Variants in PLXNA4 observed in about 807,000 individuals in gnomAD.
The protein encoded by PLXNA4 is plexin A4, also known as plexin-A4.
PLXNA4 carries 44 observed loss-of-function variants against 191.8 expected under a neutral mutation model. The ratio of observed to expected loss-of-function variants is 0.23; its 90% confidence interval spans 0.18 to 0.29. The LOEUF is 0.29. Among genes scored for constraint, PLXNA4 ranks in the 10% least tolerant of loss-of-function variants. The pLI is 1.00. For missense variants in PLXNA4, 1,800 were observed against 2,488.8 expected (o/e 0.72, Z 5.89); for synonymous variants, 1,082 against 1,009.5 (o/e 1.07, Z -1.36).
intron 27 of PLXNA4, 45 bp from the exon 28 acceptor site, chr7:132,146,745 G>A: frequency 1.2e-6 from 2 of 1,601,284 alleles, no homozygotes; most frequent in Non-Finnish European, 8.5e-7. Context: ...AGGCCACACA[G>A]CCTTAGCCCA....
intron 3 of PLXNA4, among the ~76,000 whole-genome samples, chr7:132,332,280 C>A (rs1034439784): frequency 6.6e-6 from 1 of 152,164 alleles, no homozygotes; most frequent in African/African-American, 2.4e-5. Context: ...AGGGTCACAG[C>A]CTTTTCCTAT....
chr7:132,220,019 T>C (rs1203995776), intron 9 of PLXNA4, among the ~76,000 whole-genome samples: 2 of 152,222 alleles, frequency 1.3e-5, no homozygotes, highest in Admixed American at 6.5e-5. Context: ...GACACATTTC[T>C]CAGAGGGCAT....
chr7:132,298,141 T>A lies in PLXNA4; in HGVS notation c.1453A>T (p.Met485Leu). The change falls in exon 4 of 32, where the codon ATG (methionine) becomes TTG (leucine). Residue 485 changes from methionine (M) to leucine (L), a missense_variant. Physicochemically the swap from Met to Leu is conservative, Grantham distance 15 (BLOSUM62 2). Coordinates refer to ENST00000321063, the MANE Select transcript of PLXNA4 (RefSeq NM_020911.2). ...VVDPGPVLRD[M>L]AFSKDHEQLY... ...TGCTCGTGGTCCTTGGAGAAGGCCA[T>A]ATCCCGGAGGACTGGGCCGGGGTCC... is the stretch of plus-strand genomic sequence containing the variant. The A allele has an allele frequency of 6.2e-7, 1 of 1,614,204 alleles. No individual in the cohort carries two copies. Among genetic ancestry groups the A allele is most frequent in the South Asian group, 1.1e-5 (1 of 91,086 alleles).
intron 20 of PLXNA4, among the ~76,000 whole-genome samples, 176 bp downstream of exon 20, chr7:132,179,497 GTGCACACACACACA>G (rs1343796395): frequency 1.1e-3 from 143 of 133,590 alleles, no homozygotes; most frequent in African/African-American, 3.8e-3. Flanking sequence ...ACATACAGAT[GTGCACACACACACA>G]TGCACACACA....
At chr7:132,409,920 C>T (rs2117087110) in intron 3 of PLXNA4, among the ~76,000 whole-genome samples, 1 of 152,292 alleles carries the variant, frequency 6.6e-6, no homozygotes, top group South Asian at 2.1e-4. Flanking sequence ...CGGCAGGGGG[C>T]CCCCAGACTC....
chr7:132,132,495 CTTTTCTATTCTAT>C (rs1563048557), intron 31 of PLXNA4, among the ~76,000 whole-genome samples: 1 of 31,414 alleles, frequency 3.2e-5, no homozygotes, highest in Non-Finnish European at 7.5e-5. Flanking sequence ...CTGCTCTATT[CTTTTCTATTCTAT>C]TCTATTCTAT....
At chr7:132,298,699 G>T (rs1230782617) in intron 3 of PLXNA4, among the ~76,000 whole-genome samples, 1 of 152,264 alleles carries the variant, frequency 6.6e-6, no homozygotes, top group Non-Finnish European at 1.5e-5. Flanking sequence ...AGGTGAACCA[G>T]GCAGGGGGCC....
chr7:132,356,046 C>T (rs140738104), intron 3 of PLXNA4, among the ~76,000 whole-genome samples: 89 of 152,142 alleles, frequency 5.8e-4, no homozygotes, highest in Non-Finnish European at 1.1e-3. Flanking sequence ...TCCTTTTGAA[C>T]GTGCATTAAT....
intron 4 of PLXNA4, among the ~76,000 whole-genome samples, chr7:132,277,164 T>C (rs573626198): frequency 1.3e-4 from 20 of 152,274 alleles, no homozygotes; most frequent in African/African-American, 4.8e-4. Flanking sequence ...TGCTTAGAAG[T>C]CAATTACTAG....
chr7:132,346,055 TTC>T (rs1803234535), intron 3 of PLXNA4, among the ~76,000 whole-genome samples: 1 of 152,188 alleles, frequency 6.6e-6, no homozygotes, highest in Admixed American at 6.5e-5. Context: ...TCAAATGACC[TTC>T]TCTCTGGGTC....
At chr7:132,263,102 G>A (rs1002268747) in intron 4 of PLXNA4, among the ~76,000 whole-genome samples, 13 of 152,236 alleles carry the variant, frequency 8.5e-5, no homozygotes, top group South Asian at 4.2e-4. Flanking sequence ...GACCACTGAG[G>A]AAAGCACAAG....
intron 4 of PLXNA4, among the ~76,000 whole-genome samples, chr7:132,294,391 C>T (rs1336161183): frequency 1.3e-5 from 2 of 152,180 alleles, no homozygotes; most frequent in Admixed American, 6.5e-5. Context: ...AGGTGATGAG[C>T]TTGGACATCT....
intron 2 of PLXNA4, among the ~76,000 whole-genome samples, chr7:132,601,218 TA>T (rs1419812387): frequency 6.6e-6 from 1 of 151,836 alleles, no homozygotes; most frequent in Non-Finnish European, 1.5e-5. Flanking sequence ...ATATTTAATG[TA>T]AAAAAATACA....
chr7:132,386,208 C>T (rs1026233909), intron 3 of PLXNA4, among the ~76,000 whole-genome samples: 2 of 152,146 alleles, frequency 1.3e-5, no homozygotes, highest in Admixed American at 6.5e-5. Flanking sequence ...GAAAGGAATC[C>T]TGCCAGCCCT....
Position 132,362,774 on chromosome 7 carries a change from T to C in PLXNA4, c.1372-64552A>G, listed in dbSNP as rs144390647. On this transcript the variant is annotated intron_variant, in intron 3 of 31. Transcript: ENST00000321063. ...TAGCTTTTCTGAGTCACAGGCCCTA[T>C]CATTAAAAATAATAATAACAACAGG... 2.0e-3 allele frequency among the ~76,000 whole-genome samples: 307 copies of C among 152,276 alleles called. 4 individuals are homozygous for C. The East Asian group carries it at 0.037, about 18-fold the overall frequency.
At chr7:132,211,529 C>A (rs559822952) in intron 9 of PLXNA4, among the ~76,000 whole-genome samples, 3 of 152,306 alleles carry the variant, frequency 2.0e-5, no homozygotes, top group Admixed American at 6.5e-5. Flanking sequence ...TCCAGGCTGT[C>A]AAGAATTGGG....
chr7:132,277,445 G>A (rs567332361), intron 4 of PLXNA4, among the ~76,000 whole-genome samples: 1 of 152,332 alleles, frequency 6.6e-6, no homozygotes, highest in Admixed American at 6.5e-5. Flanking sequence ...CCCTGCAGGA[G>A]AGTGCAGTCT....
In PLXNA4 at chr7:132,489,277, G is replaced by C. The variant is rs768870878; in HGVS notation, c.1371+15C>G. 6.4e-7 allele frequency: 1 copy of C among 1,573,000 alleles called. No homozygotes were observed. The highest frequency in any genetic ancestry group is 1.3e-5 in the African/African-American group (1 of 74,346). On this transcript the variant is annotated intron_variant, in intron 3 of 31. Coordinates refer to ENST00000321063, the MANE Select transcript of PLXNA4 (RefSeq NM_020911.2). ...TGTCTTCACAGTAACCAAAAGTACT[G>C]CACCTCATTCCTACCTTCTTCAGCT...
At chr7:132,385,749 C>G (rs1178857011) in intron 3 of PLXNA4, among the ~76,000 whole-genome samples, 1 of 150,584 alleles carries the variant, frequency 6.6e-6, no homozygotes, top group East Asian at 1.9e-4. Flanking sequence ...CACATGGATG[C>G]ACACACACAC....
Sources: allele counts gnomAD v4.1 joint callset (sites outside exome capture counted in the v4.1 genomes callset), GRCh38; gene constraint gnomAD v4.1.1; transcripts MANE v1.5; gene names NCBI Gene and HGNC (gene_info 2026-07-23, HGNC 2026-07-21).